WRN: variants seen among roughly 807,000 people sequenced by gnomAD.
WRN encodes bifunctional 3'-5' exonuclease/ATP-dependent helicase WRN.
A neutral mutation model predicts 180.7 loss-of-function variants in WRN; 149 were observed. That is an observed-to-expected ratio of 0.82 (90% CI 0.72 to 0.94). The LOEUF (loss-of-function observed/expected upper bound fraction) is 0.94. Among genes scored for constraint, WRN ranks in the 40% least tolerant of loss-of-function variants. The probability of loss-of-function intolerance (pLI) is 0.00; values close to 1 mark genes in which losing one functional copy is unlikely to be tolerated. For missense variants in WRN, 1,661 were observed against 1,700.1 expected (o/e 0.98, Z 0.40); for synonymous variants, 548 against 568.9 (o/e 0.96, Z 0.52).
In WRN at chr8:31,173,002, C is replaced by T. The variant is rs2130529929; in HGVS notation, c.4199C>T (p.Ser1400Phe). 1.9e-6 allele frequency: 3 copies of T among 1,613,746 alleles called. No homozygotes were observed. Among genetic ancestry groups the T allele is most frequent in the Non-Finnish European group, 1.7e-6 (2 of 1,179,824 alleles). ...EEVGINTETS[S>F]AERKRRLPVW... ...TCTTTCTATTTCCTACAGACTTCAT[C>T]TGCAGAGAGAAAGAGACGATTACCT... Residue 1400 changes from serine (S) to phenylalanine (F), a missense_variant, in exon 35 of 35, where the codon TCT (serine) becomes TTT (phenylalanine). Coordinates refer to ENST00000298139, the MANE Select transcript of WRN (RefSeq NM_000553.6).
rs2130283867 is a variant in WRN at position 31,111,707 on chromosome 8, T to C, written c.2181T>C (p.Cys727=). ...ATCTGAGAAATCCTCAGATCACCTG[T>C]ACTGGTTTTGATCGACCAAACCTGT... ...CLNLRNPQIT[C]TGFDRPNLYL... is the part of the protein sequence containing the mutation. Residue 727 remains cysteine, a synonymous_variant, in exon 19 of 35, where the codon TGT becomes TGC. Transcript: ENST00000298139. 1 of 1,614,120 alleles carries C rather than the reference T, an allele frequency of 6.2e-7. No homozygotes were observed. The highest frequency in any genetic ancestry group is 8.5e-7 in the Non-Finnish European group (1 of 1,179,994).
Position 31,083,724 on chromosome 8 carries a change from A to G in WRN, c.1295A>G (p.Asn432Ser), listed in dbSNP as rs2130133251. 1 of 1,612,022 alleles carries G rather than the reference A, an allele frequency of 6.2e-7. No homozygotes were observed. The highest frequency in any genetic ancestry group is 8.5e-7 in the Non-Finnish European group (1 of 1,178,562). ...CATTTATCTCCCAATGATAATGAAA[A>G]CGATACGTCCTATGTAATTGAGAGT... is the stretch of plus-strand genomic sequence containing the variant. ...TEHLSPNDNE[N>S]DTSYVIESDE... Residue 432 changes from asparagine (N) to serine (S), a missense_variant, in exon 10 of 35, where the codon AAC becomes AGC. By Grantham distance (46) the Asn-to-Ser change is conservative (BLOSUM62 1). Coordinates refer to ENST00000298139, the MANE Select transcript of WRN (RefSeq NM_000553.6).
rs777537726 is a variant in WRN at position 31,141,690 on chromosome 8, T to G, written c.3148T>G (p.Trp1050Gly). The change falls in exon 26 of 35, where the codon TGG becomes GGG. Residue 1050 changes from tryptophan (W) to glycine (G), a missense_variant. Physicochemically the swap from Trp to Gly is radical, Grantham distance 184 (BLOSUM62 -2). Around this residue, in one of 3 missense-constraint regions of WRN, gnomAD observed 1,141 missense variants for 1,149.4 expected, o/e 0.99. Transcript: ENST00000298139. ...ICALTKKGRN[W>G]LHKANTESQS... Reference sequence around the variant, plus strand: ...TTTTTGCTTTTAATAGGGTAGAAATTGGCTTCATAAAGCTAATACAGAATC... The same window carrying G: ...TTTTTGCTTTTAATAGGGTAGAAATGGGCTTCATAAAGCTAATACAGAATC... 8 of 1,614,190 alleles carry G rather than the reference T, an allele frequency of 5.0e-6. No homozygotes were observed. Among genetic ancestry groups the G allele is most frequent in the Non-Finnish European group, 6.8e-6 (8 of 1,180,016 alleles).
intron 17 of WRN, among the ~76,000 whole-genome samples, chr8:31,099,465 A>G (rs555832947): frequency 6.6e-6 from 1 of 152,064 alleles, no homozygotes; most frequent in East Asian, 1.9e-4. Flanking sequence ...AAACAGTGAT[A>G]ATATTGAATT....
rs575414551 is a variant in WRN, at chr8:31,096,754, GT to G, written c.1899-11del. 63 of 1,336,038 alleles carry G rather than the reference GT, an allele frequency of 4.7e-5. 1 individual carries two copies. The South Asian group carries it at 9.5e-4, about 20-fold the overall frequency. The allele number at this position is 1,336,038 out of a possible 1,614,324, so 82.8% of individuals were successfully genotyped here. The stretch of plus-strand genomic sequence containing the variant: ...TTTTTTTTTTTTTCTTTTTTCTTTT[GT>G]TTGTTTTTACAGAGGTAAATACCGG... On this transcript the variant is annotated splice_polypyrimidine_tract_variant and intron_variant, in intron 16 of 34. Transcript: ENST00000298139.
At chr8:31,131,063 C>T (rs1316432762) in intron 23 of WRN, among the ~76,000 whole-genome samples, 4 of 151,736 alleles carry the variant, frequency 2.6e-5, no homozygotes, top group Admixed American at 6.6e-5. Flanking sequence ...TGGACATACA[C>T]CAGTTACTTT....
In WRN at chr8:31,124,922, A is replaced by C. The variant is rs754985773; in HGVS notation, c.2747A>C (p.His916Pro). Residue 916 changes from histidine (H) to proline (P), a missense_variant, in exon 23 of 35, where the codon CAT becomes CCT. By Grantham distance (77) the His-to-Pro change is moderately conservative. This residue lies in a region of WRN where 1,141 missense variants were observed against 1,149.4 expected (regional missense o/e 0.99). Transcript: ENST00000298139. The stretch of plus-strand genomic sequence containing the variant: ...GTCTTGGGTAGAATCATCTTGTCTC[A>C]TTTTGAGGACAAACAAGTACAAAAA... The part of the protein sequence containing the change: ...SRCRRQIILS[H>P]FEDKQVQKAS... 1.1e-4 allele frequency: 185 copies of C among 1,612,886 alleles called. No homozygotes were observed. The highest frequency in any genetic ancestry group is 1.5e-4 in the Non-Finnish European group (173 of 1,179,400).
At chr8:31,068,797 A>G (rs145250163) in intron 7 of WRN, among the ~76,000 whole-genome samples, 1 of 152,232 alleles carries the variant, frequency 6.6e-6, no homozygotes, top group African/African-American at 2.4e-5. Flanking sequence ...GCTTTCTAAC[A>G]TACTGATTTA....
chr8:31,145,957 ATTATT>A (rs1802841177), intron 28 of WRN, among the ~76,000 whole-genome samples: 1 of 152,004 alleles, frequency 6.6e-6, no homozygotes, highest in Non-Finnish European at 1.5e-5. Flanking sequence ...ATGAATAAAT[ATTATT>A]TTAAGATATA....
At chr8:31,134,887 T>A (rs1248180249) in intron 24 of WRN, among the ~76,000 whole-genome samples, 1 of 152,220 alleles carries the variant, frequency 6.6e-6, no homozygotes, top group African/African-American at 2.4e-5. Context: ...TAATTATCAC[T>A]ACTTCATCTT....
In WRN at chr8:31,124,613, T is replaced by TGTA; in HGVS notation, c.2724_2726dup (p.Cys908_Arg909insSer). The TGTA allele has an allele frequency of 6.2e-7, 1 of 1,609,428 alleles. No individual in the cohort carries two copies. On this transcript the variant is annotated inframe_insertion, in exon 22 of 35. Coordinates refer to ENST00000298139, the MANE Select transcript of WRN (RefSeq NM_000553.6). ...GGAAAAATATCTTCATTCTAGCAGA[T>TGTA]GTAGGAGACAGTATGTATTATTTAT...
chr8:31,068,409 C>T, intron 7 of WRN, 82 bp downstream of exon 7: 2 of 1,193,802 alleles, frequency 1.7e-6, no homozygotes, highest in South Asian at 1.3e-5. Context: ...CACATATTTG[C>T]AAAGCATTTA....
intron 5 of WRN, among the ~76,000 whole-genome samples, chr8:31,066,101 C>T (rs1812687252): frequency 6.6e-6 from 1 of 152,036 alleles, no homozygotes; most frequent in South Asian, 2.1e-4. Flanking sequence ...TGATCTCGAA[C>T]TCCTGACCTC....
At chr8:31,077,296 A>G (rs748533658) in intron 8 of WRN, among the ~76,000 whole-genome samples, 24 of 152,098 alleles carry the variant, frequency 1.6e-4, no homozygotes, top group Admixed American at 4.6e-4. Flanking sequence ...GCTGGAGTGC[A>G]GTGACATGAT....
At chr8:31,078,245 G>C (rs1005705247) in intron 8 of WRN, among the ~76,000 whole-genome samples, 1 of 152,150 alleles carries the variant, frequency 6.6e-6, no homozygotes, top group South Asian at 2.1e-4. Context: ...GTCTTGTGAA[G>C]TTTTAGTGTG....
chr8:31,154,576 A>T (rs770411396), intron 31 of WRN, 48 bp from the exon 32 acceptor site: 2 of 1,557,186 alleles, frequency 1.3e-6, no homozygotes, highest in South Asian at 1.2e-5. Context: ...ATATTCTATT[A>T]TTGTATTGAT....
intron 23 of WRN, among the ~76,000 whole-genome samples, chr8:31,127,693 C>A (rs1261914804): frequency 6.6e-6 from 1 of 152,070 alleles, no homozygotes; most frequent in Non-Finnish European, 1.5e-5. Flanking sequence ...GGGAGGATCA[C>A]TTGAGACCAG....
intron 31 of WRN, 88 bp downstream of exon 31, chr8:31,150,543 C>G: frequency 3.5e-6 from 4 of 1,128,108 alleles, no homozygotes; most frequent in Non-Finnish European, 5.4e-6. Flanking sequence ...AACATTTGCT[C>G]ACTTTATTTG....
chr8:31,079,329 A>G (rs1458983197), intron 8 of WRN, among the ~76,000 whole-genome samples: 3 of 152,214 alleles, frequency 2.0e-5, no homozygotes, highest in African/African-American at 4.8e-5. Flanking sequence ...CATTAATATA[A>G]AAATTTAAAA....
Sources: gnomAD v4.1 joint callset for allele counts (sites outside exome capture counted in the v4.1 genomes callset) on GRCh38, gnomAD v4.1.1 for gene constraint, gnomAD v4.1.1 regional missense constraint, MANE v1.5 for transcripts, NCBI Gene and HGNC (gene_info 2026-07-23, HGNC 2026-07-21) for gene names.